The following FARP1 variants were observed in gnomAD, a reference collection of about 807,000 sequenced individuals.
FARP1 encodes the protein FERM, ARH/RhoGEF and pleckstrin domain protein 1, also known as FERM, ARHGEF and pleckstrin domain-containing protein 1.
A neutral mutation model predicts 128.8 loss-of-function variants in FARP1; 52 were observed. The observed-to-expected ratio is 0.40, with a 90% confidence interval of 0.32 to 0.51. The LOEUF (loss-of-function observed/expected upper bound fraction) is 0.51. FARP1 is among the 20% of genes least tolerant of loss of function. The pLI is 0.45. For missense variants in FARP1, 1,333 were observed against 1,367.9 expected (o/e 0.97, Z 0.40); for synonymous variants, 580 against 551.8 (o/e 1.05, Z -0.72).
chr13:98,190,476 C>A (rs1317574272), intron 1 of FARP1, among the ~76,000 whole-genome samples: 1 of 152,202 alleles, frequency 6.6e-6, no homozygotes, highest in African/African-American at 2.4e-5. Flanking sequence ...GAAGCAAAAT[C>A]AAGGTTGACT....
rs540245440 is a variant in FARP1 at position 98,145,450 on chromosome 13, A to G, written c.-24+1958A>G. On this transcript the variant is annotated intron_variant, in intron 1 of 26. Transcript: ENST00000319562. The stretch of plus-strand genomic sequence containing the variant: ...TTAACTTTACTCTGTAGCCAGACTT[A>G]TCAAAGAAGATCTTAAAATAATTAT... 2.0e-5 allele frequency among the ~76,000 whole-genome samples: 3 copies of G among 152,360 alleles called. No homozygotes were observed. In the South Asian group the frequency reaches 6.2e-4, roughly 32 times the overall value.
At chr13:98,195,018 G>A (rs906834060) in intron 1 of FARP1, among the ~76,000 whole-genome samples, 2 of 152,170 alleles carry the variant, frequency 1.3e-5, no homozygotes, top group African/African-American at 4.8e-5. Context: ...AGGTACCTAC[G>A]CCATAGGGTC....
At chr13:98,312,158 T>TTTTTTTTTA (rs1594387769) in intron 2 of FARP1, among the ~76,000 whole-genome samples, 1 of 149,138 alleles carries the variant, frequency 6.7e-6, no homozygotes, top group Non-Finnish European at 1.5e-5. Context: ...TTTTTTTCTT[T>TTTTTTTTTA]GAGACGGAGT....
chr13:98,386,327 A>G (rs1191474771), intron 8 of FARP1, among the ~76,000 whole-genome samples: 1 of 151,986 alleles, frequency 6.6e-6, no homozygotes, highest in Non-Finnish European at 1.5e-5. Context: ...ACATTCTTGC[A>G]ATTTTGTAGC....
rs546398547 is a variant in FARP1, at chr13:98,353,173, G to T, written c.276+9307G>T. On this transcript the variant is annotated intron_variant, in intron 3 of 26. Coordinates refer to ENST00000319562, the MANE Select transcript of FARP1 (RefSeq NM_005766.4). The stretch of plus-strand genomic sequence containing the variant: ...TTTAGTCTTAAGACTAAACTCTGGC[G>T]TATAAAGATGCACCATGTGGCAAAA... Among the ~76,000 whole-genome samples the T allele has an allele frequency of 9.9e-5, 15 of 152,020 alleles. No individual in the cohort carries two copies. The East Asian group carries it at 2.9e-3, about 30-fold the overall frequency.
intron 16 of FARP1, 137 bp from the exon 17 acceptor site, chr13:98,424,435 C>T (rs778593972): frequency 3.2e-5 from 21 of 664,348 alleles, no homozygotes; most frequent in Non-Finnish European, 5.3e-5. Flanking sequence ...CGATAACATT[C>T]CATGACCCCA....
intron 1 of FARP1, among the ~76,000 whole-genome samples, chr13:98,168,576 C>T (rs979908315): frequency 7.9e-5 from 12 of 152,216 alleles, no homozygotes; most frequent in Non-Finnish European, 1.8e-4. Flanking sequence ...GTTCCCCTTG[C>T]CTCTATCACC....
intron 24 of FARP1, among the ~76,000 whole-genome samples, chr13:98,441,392 TG>T (rs1043127679): frequency 1.3e-5 from 2 of 152,224 alleles, no homozygotes; most frequent in African/African-American, 4.8e-5. Context: ...GCCTTCAGAA[TG>T]AAGACCCAGA....
intron 16 of FARP1, among the ~76,000 whole-genome samples, chr13:98,414,818 A>C (rs1337627907): frequency 1.3e-5 from 2 of 152,214 alleles, no homozygotes; most frequent in African/African-American, 4.8e-5. Context: ...AAATGGGATG[A>C]GAATGCATTC....
intron 2 of FARP1, among the ~76,000 whole-genome samples, chr13:98,324,503 CATG>C (rs921951242): frequency 6.6e-6 from 1 of 152,142 alleles, no homozygotes; most frequent in Admixed American, 6.5e-5. Context: ...GTGTTGGAAT[CATG>C]ATTTGATATT....
chr13:98,419,748 G>T (rs113592810), intron 16 of FARP1, among the ~76,000 whole-genome samples: 112 of 152,212 alleles, frequency 7.4e-4, no homozygotes, highest in African/African-American at 2.6e-3. Flanking sequence ...AGACTAAGAG[G>T]CTTCAAAAAA....
Position 98,250,100 on chromosome 13 carries a change from A to G in FARP1, c.171+36687A>G, listed in dbSNP as rs141467372. Among the ~76,000 whole-genome samples the G allele has an allele frequency of 2.8e-3, 428 of 152,350 alleles. 1 individual carries two copies. Among genetic ancestry groups the G allele is most frequent in the African/African-American group, 6.9e-3 (285 of 41,588 alleles). On this transcript the variant is annotated intron_variant, in intron 2 of 26. Transcript: ENST00000319562. ...TTAAATTTACTCGTGAGATTCACCAATGATTTCTGAACACCAAACATTGGG... is the reference window on the plus strand; with the variant it reads ...TTAAATTTACTCGTGAGATTCACCAGTGATTTCTGAACACCAAACATTGGG...
intron 2 of FARP1, among the ~76,000 whole-genome samples, chr13:98,249,009 A>G (rs1051490378): frequency 2.0e-5 from 3 of 152,202 alleles, no homozygotes; most frequent in Admixed American, 2.0e-4. Flanking sequence ...AACAGTGTAT[A>G]TTAAGTAAAG....
chr13:98,356,025 T>C (rs75458853), intron 3 of FARP1, among the ~76,000 whole-genome samples: 1,939 of 152,352 alleles, frequency 0.013, 21 homozygotes, highest in Middle Eastern at 0.021. Context: ...GTCCCGAATA[T>C]GTCTTATGTT....
intron 2 of FARP1, among the ~76,000 whole-genome samples, chr13:98,262,920 G>A (rs1883947049): frequency 6.6e-6 from 1 of 152,136 alleles, no homozygotes; most frequent in South Asian, 2.1e-4. Context: ...TTTATAAAGA[G>A]GAGTTAGCAC....
chr13:98,149,058 T>C (rs1875782195), intron 1 of FARP1, among the ~76,000 whole-genome samples: 2 of 152,094 alleles, frequency 1.3e-5, no homozygotes, highest in African/African-American at 4.8e-5. Context: ...GGCTCATTTT[T>C]TGTATTTTTA....
intron 2 of FARP1, chr13:98,328,336 G>A (rs113217599): frequency 1.1e-3 from 160 of 152,274 alleles, no homozygotes; most frequent in African/African-American, 3.6e-3. Context: ...TTACTCTGGG[G>A]TCCCCTTGGC....
rs188593315 is a variant in FARP1, at chr13:98,263,825, A to G, written c.171+50412A>G. ...ACCTTTTATATTGTGACATCCTTCA[A>G]TTGATTTTCCTTTTCCCATTTATTT... On this transcript the variant is annotated intron_variant, in intron 2 of 26. Coordinates refer to ENST00000319562, the MANE Select transcript of FARP1 (RefSeq NM_005766.4). Among the ~76,000 whole-genome samples the G allele has an allele frequency of 2.1e-4, 32 of 152,292 alleles. No homozygotes were observed. In the East Asian group the frequency reaches 5.6e-3, roughly 27 times the overall value.
chr13:98,261,624 T>C (rs1399602079), intron 2 of FARP1, among the ~76,000 whole-genome samples: 5 of 151,952 alleles, frequency 3.3e-5, no homozygotes, highest in African/African-American at 4.8e-5. Context: ...AGGAAGAACA[T>C]TGACTGATGT....
Sources: allele counts gnomAD v4.1 joint callset (sites outside exome capture counted in the v4.1 genomes callset), GRCh38; gene constraint gnomAD v4.1.1; transcripts MANE v1.5; gene names NCBI Gene and HGNC (gene_info 2026-07-23, HGNC 2026-07-21).